CAPZB: variants seen among roughly 807,000 people sequenced by gnomAD.
CAPZB encodes the protein F-actin-capping protein subunit beta.
Under a neutral mutation model 38.1 loss-of-function variants are expected in CAPZB, and 2 were observed. The observed-to-expected ratio is 0.05, with a 90% CI of 0.02 to 0.17. The LOEUF (loss-of-function observed/expected upper bound fraction) is 0.17. Among genes scored for constraint, CAPZB ranks in the 10% least tolerant of loss-of-function variants. The pLI is 1.00. For missense variants in CAPZB, 161 were observed against 334.2 expected (o/e 0.48, Z 4.04); for synonymous variants, 107 against 127.4 (o/e 0.84, Z 1.08).
rs1252904549 is a variant in CAPZB at position 19,339,149 on chromosome 1, C to T, written c.*381G>A. On this transcript the variant is annotated 3_prime_UTR_variant, in exon 9 of 9. Transcript: ENST00000264202. ...TCTCTTTCACACACCACAGTTAGTT[C>T]ATAAAATTTTTTTGTTTTACATTTT... 4 of 197,054 alleles carry T rather than the reference C, an allele frequency of 2.0e-5. No individual in the cohort carries two copies. Among genetic ancestry groups the T allele is most frequent in the African/African-American group, 2.4e-5 (1 of 42,126 alleles). The allele number at this position is 197,054 out of a possible 1,614,324, so 12.2% of individuals were successfully genotyped here. A position where few individuals can be genotyped will look rare whatever the true frequency, so the allele number is the denominator to read the frequency against.
At chr1:19,464,883 C>T (rs1025730236) in intron 1 of CAPZB, among the ~76,000 whole-genome samples, 2 of 151,972 alleles carry the variant, frequency 1.3e-5, no homozygotes, top group Admixed American at 6.6e-5. Flanking sequence ...GGATGGGGAA[C>T]AAGGCTGTCT....
At chr1:19,383,879 T>C (rs10917437) in intron 3 of CAPZB, among the ~76,000 whole-genome samples, 53,992 of 151,636 alleles carry the variant, frequency 0.36, 9,736 homozygotes, top group African/African-American at 0.41. Context: ...CCACCTCCTC[T>C]TCTTCCATCC....
chr1:19,453,106 G>A (rs921530725), intron 1 of CAPZB, among the ~76,000 whole-genome samples: 1 of 151,460 alleles, frequency 6.6e-6, no homozygotes, highest in South Asian at 2.1e-4. Flanking sequence ...TGCCTGGCTG[G>A]CAGTCAGAAT....
At chr1:19,425,075 A>G (rs2094417431) in intron 1 of CAPZB, among the ~76,000 whole-genome samples, 1 of 152,226 alleles carries the variant, frequency 6.6e-6, no homozygotes, top group African/African-American at 2.4e-5. Context: ...TGTGTCAATT[A>G]TTTTCCTAGG....
intron 2 of CAPZB, among the ~76,000 whole-genome samples, chr1:19,413,394 G>A (rs748113530): frequency 3.3e-5 from 5 of 152,172 alleles, no homozygotes; most frequent in Non-Finnish European, 7.3e-5. Flanking sequence ...AGTGTAGTGG[G>A]GTGATCATAG....
At chr1:19,372,274 C>T (rs1570010776) in intron 4 of CAPZB, among the ~76,000 whole-genome samples, 1 of 152,354 alleles carries the variant, frequency 6.6e-6, no homozygotes. Flanking sequence ...TAAATTGCAA[C>T]CGCATGTTTG....
intron 6 of CAPZB, among the ~76,000 whole-genome samples, chr1:19,350,563 G>A (rs7520999): frequency 0.066 from 10,081 of 152,286 alleles, 1,115 homozygotes; most frequent in African/African-American, 0.23. Context: ...ATCTAGAATT[G>A]TACATATTCA....
intron 2 of CAPZB, among the ~76,000 whole-genome samples, chr1:19,406,502 GC>G (rs1172818312): frequency 1.1e-4 from 17 of 152,208 alleles, no homozygotes; most frequent in African/African-American, 4.1e-4. Context: ...TGTGAAGACA[GC>G]TGCATTCAGA....
At chr1:19,404,301 T>C (rs1040517425) in intron 2 of CAPZB, among the ~76,000 whole-genome samples, 3 of 147,090 alleles carry the variant, frequency 2.0e-5, no homozygotes, top group Non-Finnish European at 3.0e-5. Flanking sequence ...CTCAGCACTT[T>C]GGGAGGCCGA....
chr1:19,484,228 T>C, intron 1 of CAPZB: 4 of 1,612,608 alleles, frequency 2.5e-6, no homozygotes, highest in Non-Finnish European at 3.4e-6. Flanking sequence ...GTTCCAACCC[T>C]TGCAAGCTGA....
At chr1:19,471,643 T>C (rs965509169) in intron 1 of CAPZB, among the ~76,000 whole-genome samples, 2 of 152,016 alleles carry the variant, frequency 1.3e-5, no homozygotes, top group African/African-American at 2.4e-5. Context: ...GGTGGGCAGA[T>C]CACAAGGTCA....
intron 1 of CAPZB, among the ~76,000 whole-genome samples, chr1:19,421,568 C>T (rs945255813): frequency 1.3e-5 from 2 of 152,228 alleles, no homozygotes; most frequent in Admixed American, 6.5e-5. Flanking sequence ...ACTTGTGCCA[C>T]GCATTTCTAT....
chr1:19,417,128 T>A (rs2100489911), intron 2 of CAPZB, among the ~76,000 whole-genome samples: 1 of 152,228 alleles, frequency 6.6e-6, no homozygotes, highest in East Asian at 1.9e-4. Context: ...GGGAGCCAGT[T>A]GACCAGGTTT....
intron 1 of CAPZB, among the ~76,000 whole-genome samples, chr1:19,455,643 G>A (rs2094530772): frequency 6.6e-6 from 1 of 152,134 alleles, no homozygotes; most frequent in African/African-American, 2.4e-5. Context: ...GCCACTGTGG[G>A]CCTTTGGATT....
At chr1:19,397,843 G>C (rs1312389436) in intron 2 of CAPZB, among the ~76,000 whole-genome samples, 3 of 152,074 alleles carry the variant, frequency 2.0e-5, no homozygotes, top group Admixed American at 6.5e-5. Flanking sequence ...GGAAGCCTGA[G>C]GGCGCGCGCC....
At chr1:19,347,528 T>A (rs1369576703) in intron 6 of CAPZB, among the ~76,000 whole-genome samples, 1 of 152,184 alleles carries the variant, frequency 6.6e-6, no homozygotes. Context: ...GTCAGCTCGC[T>A]GGCAACACCG....
intron 1 of CAPZB, among the ~76,000 whole-genome samples, chr1:19,472,557 AGAG>A (rs1272538511): frequency 2.0e-5 from 3 of 152,112 alleles, no homozygotes; most frequent in East Asian, 3.9e-4. Flanking sequence ...TGTGCAGAGA[AGAG>A]GAGGAGAAAG....
chr1:19,369,746 G>C (rs996727148), intron 4 of CAPZB, among the ~76,000 whole-genome samples: 1 of 152,184 alleles, frequency 6.6e-6, no homozygotes, highest in African/African-American at 2.4e-5. Flanking sequence ...CTCGCTGAAG[G>C]GACAGGGAGT....
At chr1:19,427,990 T>G (rs1469567853) in intron 1 of CAPZB, among the ~76,000 whole-genome samples, 3 of 152,224 alleles carry the variant, frequency 2.0e-5, no homozygotes, top group African/African-American at 7.2e-5. Flanking sequence ...CACAAAACCC[T>G]GGGAGATGGC....
Sources: allele counts gnomAD v4.1 joint callset (sites outside exome capture counted in the v4.1 genomes callset), GRCh38; gene constraint gnomAD v4.1.1; transcripts MANE v1.5; gene names NCBI Gene and HGNC (gene_info 2026-07-23, HGNC 2026-07-21).